Variants in FBXO11 observed in about 807,000 individuals in gnomAD.
FBXO11 encodes the protein F-box protein 11, also known as F-box only protein 11.
Under a neutral mutation model 117.0 loss-of-function variants are expected in FBXO11, and 13 were observed. The observed-to-expected ratio is 0.11, with a 90% CI of 0.07 to 0.18. The LOEUF (loss-of-function observed/expected upper bound fraction) is 0.18. Ranked by LOEUF, FBXO11 falls within the 10% of genes least tolerant of loss-of-function variation. FBXO11 has a pLI of 1.00. For missense variants in FBXO11, 767 were observed against 1,164.4 expected, an observed-to-expected ratio of 0.66 and a Z score of 4.97; for synonymous variants, 490 against 380.5, an observed-to-expected ratio of 1.29 and a Z score of -3.35.
intron 17 of FBXO11, 97 bp downstream of exon 17, chr2:47,813,694 A>C (rs1027911540): frequency 2.0e-6 from 2 of 990,250 alleles, no homozygotes; most frequent in Middle Eastern, 2.1e-4. Flanking sequence ...CGGCCTCCCA[A>C]AGTGCTGGGA....
rs1376832773 is a variant in FBXO11 at position 47,832,595 on chromosome 2, G to T, written c.1237C>A (p.Leu413Ile). The T allele has an allele frequency of 6.2e-7, 1 of 1,613,538 alleles. No individual in the cohort carries two copies. The highest frequency in any genetic ancestry group is 8.5e-7 in the Non-Finnish European group (1 of 1,179,866). ...CNISDCENVG[L>I]YITDHAQGIY... is the part of the protein sequence containing the mutation. The stretch of plus-strand genomic sequence containing the variant: ...ACCTGTGCATGATCTGTTATATATA[G>T]TCCAACATTTTCACAGTCACTGATG... The change falls in exon 10 of 23, where the codon CTA becomes ATA. Residue 413 changes from leucine (L) to isoleucine (I), a missense_variant. Around this residue, in one of 10 missense-constraint regions of FBXO11, gnomAD observed 33 missense variants for 66.1 expected, o/e 0.50. Transcript: ENST00000403359.
intron 18 of FBXO11, among the ~76,000 whole-genome samples, chr2:47,812,161 C>CT (rs1440439145): frequency 6.6e-6 from 1 of 152,240 alleles, no homozygotes; most frequent in African/African-American, 2.4e-5. Flanking sequence ...TTCTGTACCT[C>CT]TTCCCTTACT....
intron 16 of FBXO11, chr2:47,814,138 T>G (rs972968134): frequency 3.1e-6 from 1 of 327,306 alleles, no homozygotes; most frequent in Admixed American, 4.6e-5. Flanking sequence ...TCCCCTCATA[T>G]GTAAAATGAA....
chr2:47,899,507 C>T (rs1226284697), intron 1 of FBXO11, among the ~76,000 whole-genome samples: 1 of 152,098 alleles, frequency 6.6e-6, no homozygotes, highest in Non-Finnish European at 1.5e-5. Flanking sequence ...GTGTGATTCC[C>T]ACTTGAAAGA....
chr2:47,854,732 G>A (rs1348562782), intron 1 of FBXO11, among the ~76,000 whole-genome samples: 2 of 152,128 alleles, frequency 1.3e-5, no homozygotes, highest in Non-Finnish European at 2.9e-5. Context: ...ATGAGAATTT[G>A]CAGTGCTAAC....
intron 1 of FBXO11, among the ~76,000 whole-genome samples, chr2:47,899,003 G>A (rs1677889118): frequency 6.6e-6 from 1 of 151,980 alleles, no homozygotes; most frequent in Non-Finnish European, 1.5e-5. Flanking sequence ...GGCCAGGCAC[G>A]GTGGCTCATG....
intron 1 of FBXO11, among the ~76,000 whole-genome samples, chr2:47,876,424 G>A (rs1286700793): frequency 1.3e-5 from 2 of 152,034 alleles, no homozygotes; most frequent in Non-Finnish European, 2.9e-5. Context: ...ACAATCTTTG[G>A]TTCTCCCATC....
In FBXO11 at chr2:47,905,742, G is replaced by A. The variant is rs1333539553; in HGVS notation, c.-22C>T. Reference sequence around the variant, plus strand: ...TCATTTGCCGGGCTGAGGTGGCGGCGTTGGCGGAGGGACACACACACGCAC... The same window carrying A: ...TCATTTGCCGGGCTGAGGTGGCGGCATTGGCGGAGGGACACACACACGCAC... On this transcript the variant is annotated 5_prime_UTR_variant, in exon 1 of 23. The change creates a new upstream start codon in the 5' untranslated region. Coordinates refer to ENST00000403359, the MANE Select transcript of FBXO11 (RefSeq NM_001190274.2). 1 of 1,515,474 alleles carries A rather than the reference G, an allele frequency of 6.6e-7. No individual in the cohort carries two copies. The highest frequency in any genetic ancestry group is 8.8e-7 in the Non-Finnish European group (1 of 1,134,080). 93.9% of individuals were successfully genotyped at this position (1,515,474 alleles called of 1,614,324 possible).
chr2:47,891,607 C>A (rs1367453594), intron 1 of FBXO11, among the ~76,000 whole-genome samples: 1 of 152,098 alleles, frequency 6.6e-6, no homozygotes, highest in South Asian at 2.1e-4. Flanking sequence ...TCTTCAAGTT[C>A]CTGATTTCAT....
Position 47,905,818 on chromosome 2 carries a change from G to C in FBXO11, c.-98C>G, listed in dbSNP as rs947646209. The C allele has an allele frequency of 7.4e-6, 8 of 1,081,562 alleles. No individual in the cohort carries two copies. The highest frequency in any genetic ancestry group is 5.1e-5 in the African/African-American group (3 of 59,214). The allele number at this position is 1,081,562 out of a possible 1,614,324, so 67.0% of individuals were successfully genotyped here. Reference sequence around the variant, plus strand: ...GAAAGGGGTGGGGAGAGTGGGAGAGGGGGGAGGAAGGAGAGGGGGCGAGGG... The same window carrying C: ...GAAAGGGGTGGGGAGAGTGGGAGAGCGGGGAGGAAGGAGAGGGGGCGAGGG... On this transcript the variant is annotated 5_prime_UTR_variant, in exon 1 of 23. Coordinates refer to ENST00000403359, the MANE Select transcript of FBXO11 (RefSeq NM_001190274.2).
intron 3 of FBXO11, 90 bp from the exon 4 acceptor site, chr2:47,839,093 C>T (rs935732477): frequency 1.8e-6 from 2 of 1,086,714 alleles, no homozygotes; most frequent in East Asian, 3.2e-5. Context: ...TAATGAATAG[C>T]TTTTTTTTTT....
intron 16 of FBXO11, among the ~76,000 whole-genome samples, chr2:47,814,750 C>A (rs1001943249): frequency 2.0e-5 from 3 of 152,180 alleles, no homozygotes; most frequent in African/African-American, 4.8e-5. Context: ...CGGAAGATTT[C>A]TCTGTAGCAT....
Position 47,852,609 on chromosome 2 carries a change from CTAAG to C in FBXO11, c.233-12844_233-12841del, listed in dbSNP as rs554989243. On this transcript the variant is annotated intron_variant, in intron 1 of 22. Transcript: ENST00000403359. ...ATGTTTTTATTTTTACTTTTCACTA[CTAAG>C]TAATTTGGGTGTCTTTTAAAACTTT... 1.7e-4 allele frequency among the ~76,000 whole-genome samples: 26 copies of C among 152,234 alleles called. No individual in the cohort carries two copies. The East Asian group carries it at 4.8e-3, about 28-fold the overall frequency.
chr2:47,815,605 G>C (rs1401210385), intron 16 of FBXO11, among the ~76,000 whole-genome samples: 3 of 152,154 alleles, frequency 2.0e-5, no homozygotes, highest in African/African-American at 7.2e-5. Context: ...AGATTTCACA[G>C]GTAACTTGTG....
chr2:47,813,956 A>T (rs1028806933), intron 16 of FBXO11, 89 bp from the exon 17 acceptor site: 2 of 970,782 alleles, frequency 2.1e-6, no homozygotes, highest in South Asian at 1.4e-5. Flanking sequence ...AGAAATCCAC[A>T]TAAGTCACTT....
chr2:47,809,280 AAGAAT>A lies in FBXO11; in HGVS notation c.2447-19_2447-15del. 6.8e-7 allele frequency: 1 copy of A among 1,462,196 alleles called. No homozygotes were observed. The highest frequency in any genetic ancestry group is 9.4e-7 in the Non-Finnish European group (1 of 1,059,574). 90.6% of individuals were successfully genotyped at this position (1,462,196 alleles called of 1,614,324 possible). On this transcript the variant is annotated splice_polypyrimidine_tract_variant and intron_variant, in intron 20 of 22. Coordinates refer to ENST00000403359, the MANE Select transcript of FBXO11 (RefSeq NM_001190274.2). ...TTATTTTGTTATCTGTAATAAAAGA[AAGAAT>A]AAGTAAAAATTCAGAGGAATGTTAA... is the stretch of plus-strand genomic sequence containing the variant.
At chr2:47,810,664 GGTCCATGTCTAA>G (rs1331858245) in intron 18 of FBXO11, 2 of 378,940 alleles carry the variant, frequency 5.3e-6, no homozygotes, top group Admixed American at 4.5e-5. Context: ...ATGATAGCAG[GGTCCATGTCTAA>G]GTTTACTCAG....
chr2:47,883,819 G>T, intron 1 of FBXO11: 1 of 224,158 alleles, frequency 4.5e-6, no homozygotes, highest in South Asian at 7.4e-5. Flanking sequence ...CCCTTCAGAT[G>T]AATGTGGTGC....
At chr2:47,846,785 CATTT>C (rs1673448517) in intron 1 of FBXO11, among the ~76,000 whole-genome samples, 1 of 152,112 alleles carries the variant, frequency 6.6e-6, no homozygotes, top group African/African-American at 2.4e-5. Flanking sequence ...AGATAATTTA[CATTT>C]TTTTCATACT....
Sources: gnomAD v4.1 joint callset for allele counts (sites outside exome capture counted in the v4.1 genomes callset) on GRCh38, gnomAD v4.1.1 for gene constraint, gnomAD v4.1.1 regional missense constraint, MANE v1.5 for transcripts, NCBI Gene and HGNC (gene_info 2026-07-23, HGNC 2026-07-21) for gene names.